The following NXPE2 variants were observed in gnomAD, a reference collection of about 807,000 sequenced individuals.
The protein encoded by NXPE2 is neurexophilin and PC-esterase domain family member 2.
In NXPE2, 34 loss-of-function variants were observed where a neutral mutation model predicts 34.4. That is an observed-to-expected ratio of 0.99 (90% CI 0.75 to 1.31). The LOEUF is 1.31. NXPE2 is among the 40% of genes most tolerant of loss of function. NXPE2 has a pLI of 0.00. For synonymous variants in NXPE2, 235 were observed against 231.3 expected (o/e 1.02, Z -0.15); for missense variants, 649 against 672.5 (o/e 0.97, Z 0.39).
At chr11:114,477,839 A>G in the NXPE2 span, among the ~76,000 whole-genome samples, 1 of 151,848 alleles carries the variant, frequency 6.6e-6, no homozygotes, top group Non-Finnish European at 1.5e-5. Flanking sequence ...AAAGAAAAAG[A>G]ATCCCTTTCT....
chr11:114,505,301 T>A, the NXPE2 span, among the ~76,000 whole-genome samples: 4 of 152,088 alleles, frequency 2.6e-5, no homozygotes. Flanking sequence ...GAAAACGTAT[T>A]TCAGGATATC....
chr11:114,784,588 T>A, the NXPE2 span, among the ~76,000 whole-genome samples: 1 of 152,290 alleles, frequency 6.6e-6, no homozygotes, highest in East Asian at 1.9e-4. Context: ...CATACTGAGA[T>A]GTGAGTGGCT....
chr11:114,627,576 TA>T, the NXPE2 span, among the ~76,000 whole-genome samples: 5 of 150,846 alleles, frequency 3.3e-5, no homozygotes, highest in South Asian at 4.3e-4. Context: ...TGCCAAAATG[TA>T]AAGACCATTG....
At chr11:114,738,442 A>G in the NXPE2 span, among the ~76,000 whole-genome samples, 2 of 152,124 alleles carry the variant, frequency 1.3e-5, no homozygotes, top group Non-Finnish European at 2.9e-5. Flanking sequence ...GGCTCCCTTA[A>G]TGCCATAATT....
the NXPE2 span, among the ~76,000 whole-genome samples, chr11:114,716,759 AG>A: frequency 6.6e-6 from 1 of 152,222 alleles, no homozygotes; most frequent in African/African-American, 2.4e-5. Context: ...GTTTGGTATC[AG>A]TCCATTGCCA....
chr11:114,679,613 C>G (rs1218667939), intron 1 of NXPE2, 44 bp from the exon 2 acceptor site: 6 of 1,238,524 alleles, frequency 4.8e-6, no homozygotes, highest in Non-Finnish European at 6.9e-6. Flanking sequence ...CCATGTCGTA[C>G]TTATTTGATT....
the NXPE2 span, among the ~76,000 whole-genome samples, chr11:114,779,658 C>T: frequency 6.6e-6 from 1 of 152,038 alleles, no homozygotes; most frequent in African/African-American, 2.4e-5. Context: ...GGGACAGTGA[C>T]AATGACCTCC....
chr11:114,682,196 G>C (rs183312461), intron 2 of NXPE2, among the ~76,000 whole-genome samples: 1 of 152,132 alleles, frequency 6.6e-6, no homozygotes, highest in South Asian at 2.1e-4. Flanking sequence ...TATAACTTCT[G>C]TAAGTCTTTA....
chr11:114,506,423 A>G, the NXPE2 span, among the ~76,000 whole-genome samples: 3 of 152,338 alleles, frequency 2.0e-5, no homozygotes, highest in Non-Finnish European at 2.9e-5. Context: ...AAACAACAGA[A>G]TATATATTAT....
intron 3 of NXPE2, 56 bp downstream of exon 3, chr11:114,698,834 G>T: frequency 7.0e-7 from 1 of 1,429,856 alleles, no homozygotes; most frequent in East Asian, 2.5e-5. Context: ...ACCAAACTCT[G>T]CCTAGTAGTT....
chr11:114,753,991 CTG>C, the NXPE2 span, among the ~76,000 whole-genome samples: 1 of 72,236 alleles, frequency 1.4e-5, no homozygotes, highest in African/African-American at 3.5e-5. Context: ...GCCACATTGA[CTG>C]GGTTTGAATG....
the NXPE2 span, among the ~76,000 whole-genome samples, chr11:114,671,415 C>T: frequency 6.6e-6 from 1 of 151,846 alleles, no homozygotes; most frequent in Admixed American, 6.6e-5. Flanking sequence ...TAATGAAGAA[C>T]ATTAATCTAT....
At chr11:114,602,497 C>A in the NXPE2 span, among the ~76,000 whole-genome samples, 1 of 132,720 alleles carries the variant, frequency 7.5e-6, no homozygotes, top group Admixed American at 8.3e-5. Context: ...ATATATTATC[C>A]CATATGTAAA....
the NXPE2 span, among the ~76,000 whole-genome samples, chr11:114,541,525 G>A: frequency 6.6e-6 from 1 of 152,224 alleles, no homozygotes; most frequent in Non-Finnish European, 1.5e-5. Context: ...ACGTGACACA[G>A]CCGTCAGGAG....
chr11:114,643,920 G>A, the NXPE2 span, among the ~76,000 whole-genome samples: 1 of 151,778 alleles, frequency 6.6e-6, no homozygotes, highest in African/African-American at 2.4e-5. Context: ...CCATTTTTTT[G>A]TGTCCTCTCT....
At chr11:114,595,078 A>G in the NXPE2 span, among the ~76,000 whole-genome samples, 1 of 152,082 alleles carries the variant, frequency 6.6e-6, no homozygotes, top group Non-Finnish European at 1.5e-5. Context: ...TCTCCAGACT[A>G]TTTGTCACCT....
At chr11:114,759,123 TTCTC>T in the NXPE2 span, among the ~76,000 whole-genome samples, 56 of 151,672 alleles carry the variant, frequency 3.7e-4, no homozygotes, top group Non-Finnish European at 5.9e-4. Flanking sequence ...CTCTGTCTCT[TTCTC>T]TCTCTCTCTC....
At chr11:114,474,119 T>C in the NXPE2 span, among the ~76,000 whole-genome samples, 1 of 152,116 alleles carries the variant, frequency 6.6e-6, no homozygotes, top group African/African-American at 2.4e-5. Context: ...CAGTTAAGTT[T>C]CAGTTGTCTA....
At chr11:114,779,174 T>G in the NXPE2 span, among the ~76,000 whole-genome samples, 3 of 152,214 alleles carry the variant, frequency 2.0e-5, no homozygotes, top group African/African-American at 7.2e-5. Flanking sequence ...TCTGTGGATA[T>G]AAGAAACTTT....
Sources: allele counts gnomAD v4.1 joint callset (sites outside exome capture counted in the v4.1 genomes callset), GRCh38; gene constraint gnomAD v4.1.1; transcripts MANE v1.5; gene names NCBI Gene and HGNC (gene_info 2026-07-23, HGNC 2026-07-21).